The following DORIP1 variants were observed in gnomAD, a reference collection of about 807,000 sequenced individuals.
The protein encoded by DORIP1 is dopamine receptor interacting protein 1, also known as dopamine receptor-interacting protein 1.
At chr14:44,899,836 T>C in the DORIP1 span, among the ~76,000 whole-genome samples, 1 of 143,466 alleles carries the variant, frequency 7.0e-6, no homozygotes, top group East Asian at 2.0e-4. Context: ...TTTTTTTTTT[T>C]TTTTTTTTTT....
the DORIP1 span, chr14:44,905,641 A>T: frequency 1.1e-6 from 1 of 942,886 alleles, no homozygotes; most frequent in Non-Finnish European, 1.5e-6. Flanking sequence ...TATCCAAGAA[A>T]ATAGTTCAAC....
the DORIP1 span, chr14:44,904,548 G>T: frequency 8.4e-6 from 13 of 1,548,318 alleles, no homozygotes; most frequent in East Asian, 2.3e-5. Flanking sequence ...TTTTGTTGTT[G>T]TTTCTTTATA....
At chr14:44,905,684 T>A in the DORIP1 span, 1 of 549,052 alleles carries the variant, frequency 1.8e-6, no homozygotes, top group Non-Finnish European at 2.9e-6. Flanking sequence ...TTTCAGTGTT[T>A]AACCCCAGGT....
chr14:44,904,300 T>C, the DORIP1 span: 15 of 1,499,704 alleles, frequency 1.0e-5, no homozygotes, highest in Non-Finnish European at 1.3e-5. Flanking sequence ...TAATAGATAA[T>C]TATAAGAAAA....
chr14:44,904,587 T>C, the DORIP1 span: 1 of 1,469,810 alleles, frequency 6.8e-7, no homozygotes, highest in East Asian at 2.4e-5. Flanking sequence ...TATCCTGTTA[T>C]ATTATGATTT....
At chr14:44,902,294 C>G in the DORIP1 span, among the ~76,000 whole-genome samples, 4 of 152,126 alleles carry the variant, frequency 2.6e-5, no homozygotes, top group Non-Finnish European at 5.9e-5. Context: ...GCTGGGACTA[C>G]AGGTATATGC....
the DORIP1 span, chr14:44,903,460 T>C: frequency 1.5e-6 from 2 of 1,311,334 alleles, no homozygotes; most frequent in Non-Finnish European, 2.0e-6. Context: ...AATATGGTAC[T>C]ACAGCTGATT....
At chr14:44,905,304 T>G in the DORIP1 span, 1 of 1,122,994 alleles carries the variant, frequency 8.9e-7, no homozygotes, top group Admixed American at 2.5e-5. Flanking sequence ...GTTATGAATT[T>G]AAGGAATGTT....
chr14:44,902,959 A>AT, the DORIP1 span, among the ~76,000 whole-genome samples: 1 of 152,180 alleles, frequency 6.6e-6, no homozygotes, highest in East Asian at 1.9e-4. Context: ...AATGTTTTAA[A>AT]TTATCATAGC....
the DORIP1 span, chr14:44,903,318 A>G: frequency 6.3e-7 from 1 of 1,591,936 alleles, no homozygotes; most frequent in Non-Finnish European, 8.6e-7. Flanking sequence ...ATAGACATTT[A>G]AAATGACAGT....
the DORIP1 span, chr14:44,900,549 C>G: frequency 6.2e-7 from 1 of 1,608,100 alleles, no homozygotes; most frequent in Non-Finnish European, 8.5e-7. Flanking sequence ...TCAAAGCTGG[C>G]CGCAAAGCAG....
At chr14:44,904,552 C>T in the DORIP1 span, 1 of 1,542,360 alleles carries the variant, frequency 6.5e-7, no homozygotes, top group Non-Finnish European at 8.7e-7. Context: ...GTTGTTGTTT[C>T]TTTATAAAAC....
chr14:44,904,727 C>A, the DORIP1 span: 1 of 492,036 alleles, frequency 2.0e-6, no homozygotes, highest in Non-Finnish European at 3.3e-6. Context: ...GGTGTGTGGA[C>A]TACAGAATAG....
At chr14:44,904,181 C>T in the DORIP1 span, 2 of 985,272 alleles carry the variant, frequency 2.0e-6, no homozygotes, top group African/African-American at 3.5e-5. Flanking sequence ...GAGTTTTAAA[C>T]GTGTCATTTC....
the DORIP1 span, chr14:44,904,729 A>T: frequency 2.2e-6 from 1 of 452,634 alleles, no homozygotes; most frequent in Non-Finnish European, 3.6e-6. Context: ...TGTGTGGACT[A>T]CAGAATAGAC....
the DORIP1 span, chr14:44,904,268 T>C: frequency 6.9e-7 from 1 of 1,446,134 alleles, no homozygotes; most frequent in Non-Finnish European, 9.1e-7. Flanking sequence ...TAACTATAGG[T>C]ATTAACCATT....
the DORIP1 span, chr14:44,904,017 G>A: frequency 8.1e-6 from 8 of 982,178 alleles, no homozygotes; most frequent in South Asian, 4.7e-5. Context: ...GCTTATAGTC[G>A]AGTCTAATGG....
chr14:44,901,570 A>G, the DORIP1 span, among the ~76,000 whole-genome samples: 8 of 152,354 alleles, frequency 5.3e-5, no homozygotes, highest in Non-Finnish European at 1.0e-4. Flanking sequence ...ACTTGAATTT[A>G]CTAATATGAC....
At chr14:44,899,878 C>G in the DORIP1 span, among the ~76,000 whole-genome samples, 1 of 128,636 alleles carries the variant, frequency 7.8e-6, no homozygotes, top group African/African-American at 3.0e-5. Context: ...GTTGCCCAGG[C>G]TGGAATGAGA....
Sources: allele counts gnomAD v4.1 joint callset (sites outside exome capture counted in the v4.1 genomes callset), GRCh38; gene constraint gnomAD v4.1.1; transcripts MANE v1.5; gene names NCBI Gene and HGNC (gene_info 2026-07-23, HGNC 2026-07-21).